The following OR3A2 variants were observed in gnomAD, a reference collection of about 807,000 sequenced individuals.
The protein encoded by OR3A2 is olfactory receptor family 3 subfamily A member 2.
For synonymous variants in OR3A2, 126 were observed against 159.3 expected (o/e 0.79, Z 1.57); for missense variants, 318 against 392.8 (o/e 0.81, Z 1.61).
At chr17:3,341,208 G>A (rs1358954779) in intron 2 of OR3A2, among the ~76,000 whole-genome samples, 1 of 152,138 alleles carries the variant, frequency 6.6e-6, no homozygotes, top group East Asian at 1.9e-4. Flanking sequence ...GATGGGTCTT[G>A]ACTCTTTATT....
exon 1 of OR3A2, chr17:3,386,174 T>C (rs1420482752): frequency 2.5e-6 from 1 of 398,778 alleles, no homozygotes; most frequent in Non-Finnish European, 4.4e-6. Context: ...CCCAGGCTGC[T>C]GGCCGGCCTG....
At chr17:3,341,023 C>T (rs530755373) in intron 2 of OR3A2, among the ~76,000 whole-genome samples, 13 of 152,208 alleles carry the variant, frequency 8.5e-5, no homozygotes, top group Admixed American at 7.9e-4. Flanking sequence ...TATGTAATGG[C>T]CTTCTTTGTC....
At chr17:3,292,199 G>A (rs765524925) in intron 3 of OR3A2, 1 of 1,614,026 alleles carries the variant, frequency 6.2e-7, no homozygotes, top group African/African-American at 1.3e-5. Flanking sequence ...GCCGGCAGAT[G>A]GCCAGGAATC....
exon 2 of OR3A2, chr17:3,277,209 A>C (rs2048742452): frequency 1.3e-5 from 2 of 152,262 alleles, no homozygotes; most frequent in African/African-American, 4.8e-5. Flanking sequence ...TACAGGCGTC[A>C]GCCACCCTGC....
At chr17:3,339,654 T>A (rs1364324585) in intron 2 of OR3A2, among the ~76,000 whole-genome samples, 6 of 152,178 alleles carry the variant, frequency 3.9e-5, no homozygotes, top group African/African-American at 1.4e-4. Flanking sequence ...AGCTTTTTGA[T>A]GTGCTGCTGG....
chr17:3,345,889 T>C (rs891829939), intron 2 of OR3A2, among the ~76,000 whole-genome samples: 1 of 152,074 alleles, frequency 6.6e-6, no homozygotes, highest in Admixed American at 6.5e-5. Context: ...ACAATCACTG[T>C]GAAATTTCAG....
intron 3 of OR3A2, 56 bp downstream of exon 2, chr17:3,335,973 T>C (rs544731824): frequency 6.6e-6 from 1 of 152,436 alleles, no homozygotes; most frequent in Admixed American, 6.5e-5. Context: ...CACTGCAACA[T>C]TTCCACTCTG....
chr17:3,288,662 G>A (rs368883271), upstream of OR3A2, among the ~76,000 whole-genome samples: 127 of 152,264 alleles, frequency 8.3e-4, no homozygotes, highest in Non-Finnish European at 1.5e-3. Context: ...AACATCCAAT[G>A]AGGTCAAAGA....
At position 3,278,937 on chromosome 17, in the gene OR3A2, T is replaced by C. The variant is rs370331099; in HGVS notation, c.-6-14A>G. On this transcript the variant is annotated splice_polypyrimidine_tract_variant and intron_variant, in intron 1 of 1. Transcript: ENST00000642052. ...CTCCATGAGTTTCTGTAAGGACATG[T>C]CCCAGCAGGGGAGGTATCAGTTCAC... is the stretch of plus-strand genomic sequence containing the variant. The C allele has an allele frequency of 1.3e-6, 2 of 1,548,036 alleles. No individual in the cohort carries two copies. Among genetic ancestry groups the C allele is most frequent in the African/African-American group, 2.8e-5 (2 of 72,148 alleles).
chr17:3,285,230 C>G (rs1441575587), upstream of OR3A2, among the ~76,000 whole-genome samples: 1 of 152,170 alleles, frequency 6.6e-6, no homozygotes, highest in Non-Finnish European at 1.5e-5. Flanking sequence ...CCTCTTCCCA[C>G]TAACATTCCC....
Position 3,311,450 on chromosome 17 carries a change from C to G in OR3A2, c.-85+24583G>C. 2.2e-6 allele frequency: 1 copy of G among 461,258 alleles called. No individual in the cohort carries two copies. 28.6% of individuals were successfully genotyped at this position (461,258 alleles called of 1,614,324 possible). On this transcript the variant is annotated intron_variant, in intron 3 of 4. Transcript: ENST00000573491. The surrounding 1 kb of genome is among the most constrained non-coding windows in gnomAD (Gnocchi z 4.6). ...CTGGTGGGAATTTGCTGCACTGTCT[C>G]CTTCATCAATGCTCTGACTCACACA...
In OR3A2 at chr17:3,356,150, C is replaced by T. The variant is rs190077215; in HGVS notation, c.-178-20024G>A. On this transcript the variant is annotated intron_variant, in intron 2 of 4. Transcript: ENST00000573491. ...AATTCTACACCTAAACTTCATCCCC[C>T]ACTTTGTAATTTTTTGTTGTTTCTC... Among the ~76,000 whole-genome samples, 49 of 151,436 alleles carry T rather than the reference C, an allele frequency of 3.2e-4. No homozygotes were observed. The East Asian group carries it at 7.7e-3, about 24-fold the overall frequency.
intron 2 of OR3A2, among the ~76,000 whole-genome samples, chr17:3,353,537 T>C (rs1244792432): frequency 6.6e-6 from 1 of 151,884 alleles, no homozygotes; most frequent in Non-Finnish European, 1.5e-5. Context: ...TGAGGTATTC[T>C]CCTTCTATAT....
intron 3 of OR3A2, among the ~76,000 whole-genome samples, chr17:3,297,888 G>A (rs1244974467): frequency 2.0e-5 from 3 of 152,024 alleles, no homozygotes; most frequent in Non-Finnish European, 4.4e-5. Context: ...ACGATTTAAG[G>A]GAGGTGCAAG....
intron 2 of OR3A2, among the ~76,000 whole-genome samples, chr17:3,370,024 G>A (rs189070930): frequency 5.9e-5 from 9 of 151,914 alleles, no homozygotes; most frequent in East Asian, 5.8e-4. Flanking sequence ...GGCTGGTCTC[G>A]AACTCATGAG....
At chr17:3,372,951 T>C (rs1261153220) in intron 2 of OR3A2, among the ~76,000 whole-genome samples, 1 of 150,206 alleles carries the variant, frequency 6.7e-6, no homozygotes, top group East Asian at 2.0e-4. Context: ...TGCTATGAAC[T>C]TTCCTCTTAG....
At chr17:3,320,721 C>G (rs1404341405) in intron 3 of OR3A2, among the ~76,000 whole-genome samples, 2 of 152,002 alleles carry the variant, frequency 1.3e-5, no homozygotes, top group Admixed American at 1.3e-4. Context: ...GGGCTCTGTT[C>G]TGTTCCATTG....
At chr17:3,356,018 T>C (rs1014518418) in intron 2 of OR3A2, among the ~76,000 whole-genome samples, 2 of 151,348 alleles carry the variant, frequency 1.3e-5, no homozygotes, top group Non-Finnish European at 2.9e-5. Context: ...GAGATTACCA[T>C]GAGGCTAGCA....
At chr17:3,290,925 C>T (rs1205556637) in intron 3 of OR3A2, 1 of 152,018 alleles carries the variant, frequency 6.6e-6, no homozygotes, top group African/African-American at 2.4e-5. Flanking sequence ...ATTTGAAACA[C>T]ATGGGAGAAA....
Sources: gnomAD v4.1 joint callset for allele counts (sites outside exome capture counted in the v4.1 genomes callset) on GRCh38, gnomAD v4.1.1 for gene constraint, Gnocchi (gnomAD v3.1) non-coding constraint, MANE v1.5 for transcripts, NCBI Gene and HGNC (gene_info 2026-07-23, HGNC 2026-07-21) for gene names.